ZNF700: variants seen among roughly 807,000 people sequenced by gnomAD.
ZNF700 encodes zinc finger protein 700.
ZNF700 carries 38 observed loss-of-function variants against 65.3 expected under a neutral mutation model. The observed-to-expected ratio is 0.58, with a 90% CI of 0.45 to 0.76. The LOEUF (loss-of-function observed/expected upper bound fraction) is 0.76. Among genes scored for constraint, ZNF700 ranks in the 30% least tolerant of loss-of-function variants. ZNF700 has a pLI of 0.00. For synonymous variants in ZNF700, 285 were observed against 290.4 expected, an observed-to-expected ratio of 0.98 and a Z score of 0.19; for missense variants, 857 against 888.4, an observed-to-expected ratio of 0.96 and a Z score of 0.45.
At position 11,934,179 on chromosome 19, in the gene ZNF700, A is replaced by AT. The variant is rs199944465; in HGVS notation, c.63+8915dup. On this transcript the variant is annotated intron_variant, in intron 1 of 3. Transcript: ENST00000254321. Reference sequence around the variant, plus strand: ...GTAGATACAGTGTGAGACCTCATCTATTTTTTTTTAAAAAAAGACTCACCT... The same window carrying AT: ...GTAGATACAGTGTGAGACCTCATCTATTTTTTTTTTAAAAAAAGACTCACCT... Among the ~76,000 whole-genome samples the AT allele has an allele frequency of 9.0e-3, 1,314 of 146,718 alleles. 30 individuals carry two copies. Among genetic ancestry groups the AT allele is most frequent in the Non-Finnish European group, 0.014 (915 of 67,616 alleles).
intron 1 of ZNF700, among the ~76,000 whole-genome samples, chr19:11,926,248 TTCTA>T (rs1297950456): frequency 6.6e-6 from 1 of 152,166 alleles, no homozygotes; most frequent in East Asian, 1.9e-4. Flanking sequence ...TGTTTTTCCA[TTCTA>T]TCTATTTTTA....
chr19:11,948,749 G>T lies in ZNF700; in HGVS notation c.725G>T (p.Arg242Ile), dbSNP rs1172147286. The change falls in exon 4 of 4, where the codon AGA (arginine) becomes ATA (isoleucine). Residue 242 changes from arginine to isoleucine, a missense_variant. Around this residue, in one of 3 missense-constraint regions of ZNF700, gnomAD observed 603 missense variants for 619.9 expected, o/e 0.97. Coordinates refer to ENST00000254321, the MANE Select transcript of ZNF700 (RefSeq NM_144566.3). ...TTCAGTTTATATCTTATCCATGAAA[G>T]AACTCACACTGGAGAGAAACCATAT... ...HSFSLYLIHE[R>I]THTGEKPYEC... is the part of the protein sequence containing the mutation. 1 of 1,612,066 alleles carries T rather than the reference G, an allele frequency of 6.2e-7. No individual in the cohort carries two copies. Among genetic ancestry groups the T allele is most frequent in the Non-Finnish European group, 8.5e-7 (1 of 1,179,650 alleles).
At chr19:11,940,657 C>T (rs1343721297) in intron 1 of ZNF700, among the ~76,000 whole-genome samples, 1 of 152,142 alleles carries the variant, frequency 6.6e-6, no homozygotes, top group African/African-American at 2.4e-5. Flanking sequence ...AAAGCTTCCA[C>T]AGTGTGGAAG....
chr19:11,933,558 G>A (rs1972745544), intron 1 of ZNF700, among the ~76,000 whole-genome samples: 1 of 147,180 alleles, frequency 6.8e-6, no homozygotes, highest in Non-Finnish European at 1.5e-5. Context: ...TTTATCCCTG[G>A]CAACAAATGA....
In ZNF700 at chr19:11,949,150, T is replaced by C. The variant is rs2145303160; in HGVS notation, c.1126T>C (p.Ser376Pro). Residue 376 changes from serine (S) to proline (P), a missense_variant, in exon 4 of 4, where the codon TCA becomes CCA. Around this residue, in one of 3 missense-constraint regions of ZNF700, gnomAD observed 603 missense variants for 619.9 expected, o/e 0.97. Transcript: ENST00000254321. The part of the protein sequence containing the change: ...ICGKGFYSAK[S>P]FQTHEKTHTG... ...TGGGAAAGGCTTTTATTCTGCCAAG[T>C]CATTTCAAACACATGAAAAAACTCA... 6.2e-7 allele frequency: 1 copy of C among 1,612,516 alleles called. No homozygotes were observed. Among genetic ancestry groups the C allele is most frequent in the East Asian group, 2.2e-5 (1 of 44,828 alleles).
Position 11,949,240 on chromosome 19 carries a change from C to T in ZNF700, c.1216C>T (p.Arg406Ter), listed in dbSNP as rs771442775. Residue 406 changes from arginine (R) to a stop codon, truncating the protein, a stop_gained, in exon 4 of 4, where the codon CGA becomes TGA. Coordinates refer to ENST00000254321, the MANE Select transcript of ZNF700 (RefSeq NM_144566.3). LOFTEE classifies it high-confidence loss of function. The stretch of plus-strand genomic sequence containing the variant: ...AGCCTTCAATCTTTCCAGTTCCTTT[C>T]GATATCATGAAAGGATTCACACTGG... ...GKAFNLSSSFRYHERIHTGEK... is the reference protein window; with the variant it reads ...GKAFNLSSSF 96 of 1,613,750 alleles carry T rather than the reference C, an allele frequency of 5.9e-5. No homozygotes were observed. The highest frequency in any genetic ancestry group is 8.0e-5 in the African/African-American group (6 of 74,872).
At chr19:11,942,606 C>T (rs1187304603) in intron 1 of ZNF700, among the ~76,000 whole-genome samples, 1 of 152,182 alleles carries the variant, frequency 6.6e-6, no homozygotes, top group East Asian at 1.9e-4. Flanking sequence ...TGAAGGCTTA[C>T]ACAGGGATCC....
chr19:11,927,489 TTC>T (rs1404624717), intron 1 of ZNF700, among the ~76,000 whole-genome samples: 6 of 151,952 alleles, frequency 3.9e-5, no homozygotes, highest in Non-Finnish European at 8.8e-5. Context: ...AAGAAAAAGC[TTC>T]TCTGTTTCAG....
intron 1 of ZNF700, among the ~76,000 whole-genome samples, chr19:11,941,057 A>G (rs1218347515): frequency 1.3e-5 from 2 of 152,204 alleles, no homozygotes; most frequent in Non-Finnish European, 2.9e-5. Flanking sequence ...CAGAGTAGCT[A>G]GATACAGAGT....
In ZNF700 at chr19:11,940,659, G is replaced by C. The variant is rs1050537355; in HGVS notation, c.64-6522G>C. 3.9e-5 allele frequency among the ~76,000 whole-genome samples: 6 copies of C among 152,292 alleles called. No homozygotes were observed. In the East Asian group the frequency reaches 9.6e-4, roughly 24 times the overall value. The stretch of plus-strand genomic sequence containing the variant: ...AGAGCAAAAGAACAAAGCTTCCACA[G>C]TGTGGAAGGGGACCCGAGTGGGTTG... On this transcript the variant is annotated intron_variant, in intron 1 of 3. Coordinates refer to ENST00000254321, the MANE Select transcript of ZNF700 (RefSeq NM_144566.3).
chr19:11,947,450 AATC>A, intron 2 of ZNF700, 61 bp from the exon 3 acceptor site: 1 of 1,601,796 alleles, frequency 6.2e-7, no homozygotes, highest in East Asian at 2.2e-5. Context: ...ATGGGCACAG[AATC>A]TAATAATTTT....
chr19:11,947,632 A>C, intron 3 of ZNF700, 58 bp downstream of exon 3: 1 of 1,448,994 alleles, frequency 6.9e-7, no homozygotes, highest in Non-Finnish European at 9.6e-7. Flanking sequence ...GAATATGAGA[A>C]TATGTTGAAG....
chr19:11,935,441 T>G (rs770807271), intron 1 of ZNF700, among the ~76,000 whole-genome samples: 3 of 151,838 alleles, frequency 2.0e-5, no homozygotes, highest in Non-Finnish European at 4.4e-5. Flanking sequence ...TTCACCATGT[T>G]AGGCTGATCT....
chr19:11,939,788 T>C (rs905681178), intron 1 of ZNF700, among the ~76,000 whole-genome samples: 2 of 152,220 alleles, frequency 1.3e-5, no homozygotes, highest in Non-Finnish European at 2.9e-5. Context: ...TCATTACTTA[T>C]TGGAAAACAA....
Position 11,949,106 on chromosome 19 carries a change from C to T in ZNF700, c.1082C>T (p.Pro361Leu), listed in dbSNP as rs745864229. The T allele has an allele frequency of 1.9e-6, 3 of 1,612,220 alleles. No homozygotes were observed. The highest frequency in any genetic ancestry group is 1.7e-5 in the Admixed American group (1 of 59,344). ...ATAAGAATGAACTCTGGAGAAAGAC[C>T]TTATAAATGTAAGATATGTGGGAAA... ...THIRMNSGERPYKCKICGKGF... is the reference protein window; with the variant it reads ...THIRMNSGERLYKCKICGKGF... Residue 361 changes from proline (P) to leucine (L), a missense_variant, in exon 4 of 4, where the codon CCT (proline) becomes CTT (leucine). Around this residue, in one of 3 missense-constraint regions of ZNF700, gnomAD observed 603 missense variants for 619.9 expected, o/e 0.97. Transcript: ENST00000254321.
At chr19:11,929,383 C>T (rs1322705341) in intron 1 of ZNF700, among the ~76,000 whole-genome samples, 1 of 148,136 alleles carries the variant, frequency 6.8e-6, no homozygotes, top group Non-Finnish European at 1.5e-5. Flanking sequence ...AGGCTAGTCT[C>T]AACTCCTGTC....
At chr19:11,938,223 C>A (rs1972827361) in intron 1 of ZNF700, among the ~76,000 whole-genome samples, 1 of 152,078 alleles carries the variant, frequency 6.6e-6, no homozygotes, top group Admixed American at 6.6e-5. Context: ...TACACACCAC[C>A]ACACCTGGCT....
intron 1 of ZNF700, among the ~76,000 whole-genome samples, chr19:11,934,820 C>T (rs567198512): frequency 6.8e-6 from 1 of 147,904 alleles, no homozygotes; most frequent in African/African-American, 2.6e-5. Flanking sequence ...GCCACTGCGC[C>T]CGGCCTGTTT....
rs1304613244 is a variant in ZNF700, at chr19:11,947,164, C to G, written c.64-17C>G. 20 of 1,612,634 alleles carry G rather than the reference C, an allele frequency of 1.2e-5. No individual in the cohort carries two copies. The highest frequency in any genetic ancestry group is 1.7e-5 in the Admixed American group (1 of 59,416). ...TCACTCTCACCCATCTTCCTCTACACATGTGAGATGTTTCAGGACCCAGTG... is the reference window on the plus strand; with the variant it reads ...TCACTCTCACCCATCTTCCTCTACAGATGTGAGATGTTTCAGGACCCAGTG... On this transcript the variant is annotated splice_polypyrimidine_tract_variant and intron_variant, in intron 1 of 3. Coordinates refer to ENST00000254321, the MANE Select transcript of ZNF700 (RefSeq NM_144566.3).
Sources: allele counts gnomAD v4.1 joint callset (sites outside exome capture counted in the v4.1 genomes callset), GRCh38; gene constraint gnomAD v4.1.1; regional missense constraint gnomAD v4.1.1; transcripts MANE v1.5; gene names NCBI Gene and HGNC (gene_info 2026-07-23, HGNC 2026-07-21).